Variants in GPC6 observed in about 807,000 individuals in gnomAD.
The protein encoded by GPC6 is glypican 6, also known as glypican-6.
In GPC6, 14 loss-of-function variants were observed where a neutral mutation model predicts 55.2. The ratio of observed to expected loss-of-function variants is 0.25; its 90% CI spans 0.17 to 0.40. GPC6 has a LOEUF of 0.40. Ranked by LOEUF, GPC6 falls within the 10% of genes least tolerant of loss-of-function variation. GPC6 has a pLI of 1.00. For missense variants in GPC6, 641 were observed against 708.5 expected (o/e 0.90, Z 1.08); for synonymous variants, 278 against 259.6 (o/e 1.07, Z -0.68).
intron 2 of GPC6, among the ~76,000 whole-genome samples, chr13:93,635,177 A>C (rs1879641336): frequency 6.6e-6 from 1 of 151,472 alleles, no homozygotes; most frequent in African/African-American, 2.4e-5. Flanking sequence ...AAAATTCCTT[A>C]TTGATCCAAA....
chr13:94,059,140 A>G (rs1884235252), intron 4 of GPC6, among the ~76,000 whole-genome samples: 1 of 152,056 alleles, frequency 6.6e-6, no homozygotes, highest in Non-Finnish European at 1.5e-5. Flanking sequence ...GGCTTAGCTC[A>G]GGATTAGGCA....
chr13:93,648,159 C>T (rs1260901303), intron 2 of GPC6, among the ~76,000 whole-genome samples: 1 of 152,080 alleles, frequency 6.6e-6, no homozygotes, highest in African/African-American at 2.4e-5. Context: ...TACAAGAGCT[C>T]CTGCTAATTG....
At chr13:93,839,135 G>A (rs1887856524) in intron 3 of GPC6, among the ~76,000 whole-genome samples, 1 of 152,114 alleles carries the variant, frequency 6.6e-6, no homozygotes, top group African/African-American at 2.4e-5. Flanking sequence ...ACCTTAGGAT[G>A]TGGCCATTAG....
At chr13:93,870,933 A>G (rs1037241376) in intron 3 of GPC6, among the ~76,000 whole-genome samples, 10 of 151,830 alleles carry the variant, frequency 6.6e-5, no homozygotes, top group African/African-American at 2.2e-4. Context: ...ATGGTAACTT[A>G]TTTGAATTTA....
At chr13:93,245,942 A>C (rs1876589324) in intron 1 of GPC6, among the ~76,000 whole-genome samples, 1 of 152,168 alleles carries the variant, frequency 6.6e-6, no homozygotes, top group African/African-American at 2.4e-5. Context: ...CATTGCTTTA[A>C]ATGGGAAATG....
chr13:93,784,699 G>T (rs956166121), intron 2 of GPC6, among the ~76,000 whole-genome samples: 4 of 152,216 alleles, frequency 2.6e-5, no homozygotes, highest in African/African-American at 7.2e-5. Context: ...TGCTTGAAGA[G>T]AAATTCTCAA....
At chr13:94,355,318 C>T (rs923887616) in intron 6 of GPC6, among the ~76,000 whole-genome samples, 7 of 151,412 alleles carry the variant, frequency 4.6e-5, no homozygotes, top group Admixed American at 2.6e-4. Context: ...CCACGGCGCC[C>T]GGCCGTGGCT....
rs140772130 is a variant in GPC6 at position 94,402,860 on chromosome 13, G to A, written c.1466-155G>A. 2.7e-3 allele frequency among the ~76,000 whole-genome samples: 411 copies of A among 152,280 alleles called. 3 individuals carry two copies. The highest frequency in any genetic ancestry group is 9.4e-3 in the African/African-American group (389 of 41,568). The stretch of plus-strand genomic sequence containing the variant: ...CACTCACTATCACGAGAACAGGATG[G>A]GGGAAACCACCACCATGATTGAATT... On this transcript the variant is annotated intron_variant, in intron 8 of 8. Transcript: ENST00000377047.
chr13:94,126,026 G>T (rs1886795615), intron 4 of GPC6, among the ~76,000 whole-genome samples: 1 of 151,956 alleles, frequency 6.6e-6, no homozygotes, highest in Non-Finnish European at 1.5e-5. Flanking sequence ...AACAATTAAA[G>T]AAAAATATAA....
At chr13:93,431,930 G>A (rs967773672) in intron 1 of GPC6, among the ~76,000 whole-genome samples, 2 of 152,138 alleles carry the variant, frequency 1.3e-5, no homozygotes, top group East Asian at 1.9e-4. Flanking sequence ...CCTAAAGTCA[G>A]TTTAATGAAT....
At chr13:94,007,391 C>T (rs1882064718) in intron 3 of GPC6, among the ~76,000 whole-genome samples, 1 of 152,166 alleles carries the variant, frequency 6.6e-6, no homozygotes, top group Non-Finnish European at 1.5e-5. Flanking sequence ...ACAGTCTGTG[C>T]GGGAGATAGA....
At chr13:93,935,306 A>G (rs1045847833) in intron 3 of GPC6, among the ~76,000 whole-genome samples, 1 of 152,032 alleles carries the variant, frequency 6.6e-6, no homozygotes, top group Non-Finnish European at 1.5e-5. Flanking sequence ...TATTATTTCC[A>G]TCTTTATATA....
Position 94,339,751 on chromosome 13 carries a change from C to CTTTTT in GPC6, c.1152+33653_1152+33657dup, listed in dbSNP as rs56074677. On this transcript the variant is annotated intron_variant, in intron 6 of 8. Transcript: ENST00000377047. ...TTAAGTCTGCAACCTGCATACTTTCCTTTTTTTTTTTTTTTTTTTTTTTTT... is the reference window on the plus strand; with the variant it reads ...TTAAGTCTGCAACCTGCATACTTTCCTTTTTTTTTTTTTTTTTTTTTTTTTTTTTT... Among the ~76,000 whole-genome samples, 619 of 63,822 alleles carry CTTTTT rather than the reference C, an allele frequency of 9.7e-3. 66 individuals carry two copies. Among genetic ancestry groups the CTTTTT allele is most frequent in the African/African-American group, 0.026 (385 of 14,656 alleles). The allele number at this position is 63,822 out of a possible 152,430, so 41.9% of individuals were successfully genotyped here.
At chr13:93,698,718 A>G (rs1882561839) in intron 2 of GPC6, among the ~76,000 whole-genome samples, 1 of 150,662 alleles carries the variant, frequency 6.6e-6, no homozygotes, top group Non-Finnish European at 1.5e-5. Flanking sequence ...TTATTTACTT[A>G]CTCACTTACC....
At chr13:93,647,946 A>G (rs1158216203) in intron 2 of GPC6, among the ~76,000 whole-genome samples, 1 of 152,078 alleles carries the variant, frequency 6.6e-6, no homozygotes, top group African/African-American at 2.4e-5. Flanking sequence ...TATGAAAGCA[A>G]ATATCTTGCT....
intron 6 of GPC6, among the ~76,000 whole-genome samples, chr13:94,339,442 T>C (rs1003494449): frequency 6.6e-6 from 1 of 152,174 alleles, no homozygotes; most frequent in African/African-American, 2.4e-5. Flanking sequence ...GTAACTTATC[T>C]CTTTGACTGC....
chr13:93,888,910 G>A (rs943754394), intron 3 of GPC6, among the ~76,000 whole-genome samples: 6 of 152,094 alleles, frequency 3.9e-5, no homozygotes, highest in Non-Finnish European at 7.4e-5. Context: ...ATAGAACTGA[G>A]CAGGAAATAA....
chr13:94,336,175 A>G (rs1203566429), intron 6 of GPC6, among the ~76,000 whole-genome samples: 12 of 151,944 alleles, frequency 7.9e-5, no homozygotes, highest in Non-Finnish European at 1.8e-4. Flanking sequence ...GTGAGGGGGG[A>G]TTACCTCCTG....
Position 94,299,876 on chromosome 13 carries a change from T to G in GPC6, c.1009-6104T>G, listed in dbSNP as rs531872846. On this transcript the variant is annotated intron_variant, in intron 5 of 8. Coordinates refer to ENST00000377047, the MANE Select transcript of GPC6 (RefSeq NM_005708.5). ...TCCACACTAATGAAGATACGATAGCTTCTATTTCCTTGAGTATAAATGGAA... is the reference window on the plus strand; with the variant it reads ...TCCACACTAATGAAGATACGATAGCGTCTATTTCCTTGAGTATAAATGGAA... 2.0e-5 allele frequency among the ~76,000 whole-genome samples: 3 copies of G among 152,322 alleles called. No homozygotes were observed. In the South Asian group the frequency reaches 6.2e-4, roughly 32 times the overall value.
Sources: allele counts gnomAD v4.1 joint callset (sites outside exome capture counted in the v4.1 genomes callset), GRCh38; gene constraint gnomAD v4.1.1; transcripts MANE v1.5; gene names NCBI Gene and HGNC (gene_info 2026-07-23, HGNC 2026-07-21).